The following NALF1 variants were observed in gnomAD, a reference collection of about 807,000 sequenced individuals.
NALF1 encodes the protein NALCN channel auxiliary factor 1.
A neutral mutation model predicts 48.4 loss-of-function variants in NALF1; 3 were observed. That is an observed-to-expected ratio of 0.06 (90% CI 0.03 to 0.16). NALF1 has a LOEUF of 0.16. Ranked by LOEUF, NALF1 falls within the 10% of genes least tolerant of loss-of-function variation. The probability of loss-of-function intolerance (pLI) is 1.00; values close to 1 mark genes in which losing one functional copy is unlikely to be tolerated. For synonymous variants in NALF1, 262 were observed against 245.7 expected, an observed-to-expected ratio of 1.07 and a Z score of -0.62; for missense variants, 526 against 571.5, an observed-to-expected ratio of 0.92 and a Z score of 0.81.
intron 1 of NALF1, among the ~76,000 whole-genome samples, chr13:107,862,423 T>C (rs1376508323): frequency 6.6e-6 from 1 of 152,130 alleles, no homozygotes; most frequent in Non-Finnish European, 1.5e-5. Context: ...CAGTTTTTTA[T>C]TATGCATCAA....
chr13:107,353,790 G>A (rs555292421), intron 1 of NALF1, among the ~76,000 whole-genome samples: 118 of 152,290 alleles, frequency 7.7e-4, no homozygotes, highest in African/African-American at 2.7e-3. Context: ...ACACACACCA[G>A]CAACTCTGCT....
chr13:107,351,861 C>T (rs1265344972), intron 1 of NALF1, among the ~76,000 whole-genome samples: 1 of 152,202 alleles, frequency 6.6e-6, no homozygotes, highest in East Asian at 1.9e-4. Context: ...AGCCTGCGGG[C>T]TGGCCATCCT....
intron 1 of NALF1, among the ~76,000 whole-genome samples, chr13:107,257,142 A>T (rs1880832755): frequency 6.6e-6 from 1 of 152,144 alleles, no homozygotes; most frequent in Non-Finnish European, 1.5e-5. Context: ...ATTTCATGAG[A>T]ACTTACTCCC....
intron 1 of NALF1, among the ~76,000 whole-genome samples, chr13:107,268,605 CA>C (rs1566469685): frequency 6.6e-6 from 1 of 152,174 alleles, no homozygotes; most frequent in Admixed American, 6.5e-5. Context: ...GTTACAACTA[CA>C]TGTAAATCTA....
In NALF1 at chr13:107,731,071, C is replaced by T. The variant is rs114271190; in HGVS notation, c.915+134611G>A. ...GTTCAGACAGTATCAATTACAGGAA[C>T]GAGGAATGTTAGAGCATTAGAGCAT... On this transcript the variant is annotated intron_variant, in intron 1 of 2. Coordinates refer to ENST00000375915, the MANE Select transcript of NALF1 (RefSeq NM_001080396.3). Among the ~76,000 whole-genome samples the T allele has an allele frequency of 2.1e-3, 327 of 152,104 alleles. 1 individual carries two copies. The highest frequency in any genetic ancestry group is 7.5e-3 in the African/African-American group (310 of 41,488).
At chr13:107,491,328 C>T (rs474128) in intron 1 of NALF1, among the ~76,000 whole-genome samples, 110,261 of 152,146 alleles carry the variant, frequency 0.72, 40,424 homozygotes, top group Middle Eastern at 0.83. Context: ...CTCCAGGTGA[C>T]TGACTACAGG....
intron 1 of NALF1, among the ~76,000 whole-genome samples, chr13:107,790,931 G>GA (rs34892115): frequency 0.21 from 31,862 of 151,878 alleles, 3,479 homozygotes; most frequent in African/African-American, 0.25. Flanking sequence ...GCACCATTAG[G>GA]AAAAATCATA....
chr13:107,533,697 T>A (rs2139110683), intron 1 of NALF1, among the ~76,000 whole-genome samples: 1 of 152,256 alleles, frequency 6.6e-6, no homozygotes, highest in Non-Finnish European at 1.5e-5. Flanking sequence ...CCAAAGGCCA[T>A]CTTTCAGAAA....
At chr13:107,323,705 C>G (rs529985669) in intron 1 of NALF1, among the ~76,000 whole-genome samples, 1 of 152,290 alleles carries the variant, frequency 6.6e-6, no homozygotes, top group South Asian at 2.1e-4. Context: ...ATTTCTCAAA[C>G]AGAAGGAATG....
intron 1 of NALF1, among the ~76,000 whole-genome samples, chr13:107,561,636 T>C (rs1004287241): frequency 1.3e-5 from 2 of 152,142 alleles, no homozygotes; most frequent in African/African-American, 4.8e-5. Flanking sequence ...AACATGCAAA[T>C]TGCCTATTCC....
At chr13:107,205,369 A>T (rs575474274) in intron 2 of NALF1, among the ~76,000 whole-genome samples, 102 of 151,712 alleles carry the variant, frequency 6.7e-4, no homozygotes, top group African/African-American at 2.3e-3. Flanking sequence ...CAAACATTTA[A>T]AAAAAAAATC....
At chr13:107,493,906 A>G (rs1566365020) in intron 1 of NALF1, among the ~76,000 whole-genome samples, 2 of 152,088 alleles carry the variant, frequency 1.3e-5, no homozygotes. Flanking sequence ...TTATATATAT[A>G]CACACACATA....
chr13:107,820,396 T>C (rs1482395430), intron 1 of NALF1, among the ~76,000 whole-genome samples: 1 of 152,220 alleles, frequency 6.6e-6, no homozygotes, highest in Non-Finnish European at 1.5e-5. Context: ...TAAAATTGAA[T>C]GCACACACAG....
intron 1 of NALF1, among the ~76,000 whole-genome samples, chr13:107,851,747 T>G (rs963586845): frequency 2.0e-5 from 3 of 151,566 alleles, no homozygotes; most frequent in Non-Finnish European, 2.9e-5. Context: ...TAACTAGAAT[T>G]TTTAAGTAAC....
At chr13:107,785,791 G>A (rs1050985216) in intron 1 of NALF1, among the ~76,000 whole-genome samples, 3 of 152,114 alleles carry the variant, frequency 2.0e-5, no homozygotes, top group African/African-American at 7.2e-5. Flanking sequence ...TGATGACAGT[G>A]GTTCTCAAAC....
At chr13:107,248,869 A>G (rs1880637574) in intron 1 of NALF1, among the ~76,000 whole-genome samples, 1 of 147,022 alleles carries the variant, frequency 6.8e-6, no homozygotes, top group Admixed American at 6.7e-5. Context: ...GTGAATAATG[A>G]TGGATATGAA....
intron 1 of NALF1, among the ~76,000 whole-genome samples, chr13:107,253,799 C>G (rs1047125469): frequency 6.6e-6 from 1 of 152,100 alleles, no homozygotes; most frequent in South Asian, 2.1e-4. Context: ...TGTTCCTCTC[C>G]CGGATCTTCA....
intron 1 of NALF1, among the ~76,000 whole-genome samples, chr13:107,735,085 C>T (rs1208026148): frequency 6.6e-6 from 1 of 152,012 alleles, no homozygotes; most frequent in Non-Finnish European, 1.5e-5. Context: ...ACCAGGAAGC[C>T]TCGTGGGCTG....
At chr13:107,560,673 G>A (rs73591198) in intron 1 of NALF1, among the ~76,000 whole-genome samples, 15,163 of 152,050 alleles carry the variant, frequency 0.1, 1,050 homozygotes, top group Admixed American at 0.18. Context: ...AAGCACACAT[G>A]CACACTCACA....
Sources: gnomAD v4.1 joint callset for allele counts (sites outside exome capture counted in the v4.1 genomes callset) on GRCh38, gnomAD v4.1.1 for gene constraint, MANE v1.5 for transcripts, NCBI Gene and HGNC (gene_info 2026-07-23, HGNC 2026-07-21) for gene names.